The following EPHA5 variants were observed in gnomAD, a reference collection of about 807,000 sequenced individuals.
The protein encoded by EPHA5 is ephrin type-A receptor 5.
EPHA5 carries 60 observed loss-of-function variants against 105.0 expected under a neutral mutation model. The ratio of observed to expected loss-of-function variants is 0.57; its 90% CI spans 0.46 to 0.71. The LOEUF (loss-of-function observed/expected upper bound fraction) is 0.71. Ranked by LOEUF, EPHA5 falls within the 30% of genes least tolerant of loss-of-function variation. The probability of loss-of-function intolerance (pLI) is 0.00; values close to 1 mark genes in which losing one functional copy is unlikely to be tolerated. For missense variants in EPHA5, 1,218 were observed against 1,274.7 expected (o/e 0.96, Z 0.68); for synonymous variants, 513 against 449.1 (o/e 1.14, Z -1.80).
At chr4:65,418,192 A>T (rs956502397) in intron 6 of EPHA5, among the ~76,000 whole-genome samples, 4 of 152,188 alleles carry the variant, frequency 2.6e-5, no homozygotes, top group Non-Finnish European at 4.4e-5. Context: ...CAATGTTCAC[A>T]ACAGAATTCA....
chr4:65,410,620 T>C (rs182164571), intron 7 of EPHA5, among the ~76,000 whole-genome samples: 2 of 152,282 alleles, frequency 1.3e-5, no homozygotes, highest in African/African-American at 2.4e-5. Context: ...GATCTGTGGA[T>C]TGATTGCATC....
intron 1 of EPHA5, among the ~76,000 whole-genome samples, chr4:65,662,377 G>A (rs572187757): frequency 1.2e-4 from 19 of 152,084 alleles, no homozygotes; most frequent in African/African-American, 4.3e-4. Context: ...ACTTAACAGA[G>A]TTGTGTGGCT....
At chr4:65,448,773 A>G (rs1408596191) in intron 5 of EPHA5, among the ~76,000 whole-genome samples, 1 of 152,170 alleles carries the variant, frequency 6.6e-6, no homozygotes, top group Non-Finnish European at 1.5e-5. Context: ...ATTATATATT[A>G]CAGAGGTGTC....
At chr4:65,571,949 A>C (rs1349745874) in intron 3 of EPHA5, among the ~76,000 whole-genome samples, 1 of 151,834 alleles carries the variant, frequency 6.6e-6, no homozygotes, top group East Asian at 1.9e-4. Flanking sequence ...TAGAAATGTA[A>C]CTCTCCAAAA....
rs79908461 is a variant in EPHA5 at position 65,555,501 on chromosome 4, C to A, written c.910+46140G>T. 8.1e-3 allele frequency among the ~76,000 whole-genome samples: 1,223 copies of A among 151,066 alleles called. 16 individuals are homozygous for A. Among genetic ancestry groups the A allele is most frequent in the African/African-American group, 0.028 (1,139 of 41,152 alleles). On this transcript the variant is annotated intron_variant, in intron 3 of 16. Coordinates refer to ENST00000613740, the MANE Select transcript of EPHA5 (RefSeq NM_001281766.3). ...AGCTGTACTGCAAACACCCATGACACAAGTTTACCTATGTAACAATCCTGC... is the reference window on the plus strand; with the variant it reads ...AGCTGTACTGCAAACACCCATGACAAAAGTTTACCTATGTAACAATCCTGC...
chr4:65,631,783 T>C (rs978021506), intron 2 of EPHA5, among the ~76,000 whole-genome samples: 2 of 151,762 alleles, frequency 1.3e-5, no homozygotes, highest in Non-Finnish European at 2.9e-5. Flanking sequence ...ATATTATGGA[T>C]AAAGGTCATT....
intron 3 of EPHA5, among the ~76,000 whole-genome samples, chr4:65,569,925 A>G: frequency 6.6e-6 from 1 of 151,794 alleles, no homozygotes; most frequent in East Asian, 1.9e-4. Flanking sequence ...TCTCCCTGCT[A>G]TAGATGATGC....
At chr4:65,599,466 T>C (rs1318501221) in intron 3 of EPHA5, among the ~76,000 whole-genome samples, 7 of 152,096 alleles carry the variant, frequency 4.6e-5, no homozygotes, top group Admixed American at 4.6e-4. Context: ...TCAAGATGTA[T>C]TTATTCATTC....
chr4:65,384,944 C>T (rs1719934551), intron 8 of EPHA5, among the ~76,000 whole-genome samples: 1 of 151,376 alleles, frequency 6.6e-6, no homozygotes, highest in Non-Finnish European at 1.5e-5. Context: ...GCTCTTCCTC[C>T]CCCAGTCATT....
intron 11 of EPHA5, among the ~76,000 whole-genome samples, chr4:65,357,329 C>T (rs28417493): frequency 6.6e-6 from 1 of 151,304 alleles, no homozygotes; most frequent in Non-Finnish European, 1.5e-5. Context: ...ATTTGTATCT[C>T]TCTGAATATT....
At chr4:65,502,911 C>T (rs962564040) in intron 3 of EPHA5, among the ~76,000 whole-genome samples, 12 of 151,646 alleles carry the variant, frequency 7.9e-5, no homozygotes, top group East Asian at 3.9e-4. Context: ...GTACAAGTAC[C>T]GCATGGAATA....
chr4:65,561,104 T>C (rs558001949), intron 3 of EPHA5, among the ~76,000 whole-genome samples: 2 of 152,060 alleles, frequency 1.3e-5, no homozygotes, highest in East Asian at 1.9e-4. Flanking sequence ...CTATCCCCGA[T>C]AGGCTAGAAA....
At chr4:65,652,346 C>T (rs2149530915) in intron 1 of EPHA5, among the ~76,000 whole-genome samples, 1 of 152,248 alleles carries the variant, frequency 6.6e-6, no homozygotes, top group South Asian at 2.1e-4. Flanking sequence ...TTGAGGGCCT[C>T]AGTCCTCAGG....
intron 11 of EPHA5, among the ~76,000 whole-genome samples, chr4:65,358,943 C>G (rs1217132357): frequency 6.6e-6 from 1 of 151,544 alleles, no homozygotes; most frequent in Non-Finnish European, 1.5e-5. Context: ...TAGAATTGCT[C>G]TTACATTAGC....
chr4:65,343,395 T>C (rs2148829088), intron 14 of EPHA5, among the ~76,000 whole-genome samples: 1 of 152,268 alleles, frequency 6.6e-6, no homozygotes, highest in East Asian at 1.9e-4. Flanking sequence ...CTGCTGCATT[T>C]TGTCCTCCTG....
chr4:65,439,866 C>T (rs564558980), intron 5 of EPHA5, among the ~76,000 whole-genome samples: 3 of 151,952 alleles, frequency 2.0e-5, no homozygotes, highest in African/African-American at 7.2e-5. Context: ...TAAACTAGTG[C>T]CTTTGATATT....
intron 3 of EPHA5, among the ~76,000 whole-genome samples, chr4:65,560,053 G>A (rs576608775): frequency 6.6e-6 from 1 of 152,136 alleles, no homozygotes; most frequent in Non-Finnish European, 1.5e-5. Context: ...AGTTTAGTGA[G>A]AAAGCTTGAT....
chr4:65,349,128 T>C lies in EPHA5; in HGVS notation c.2446-925A>G, dbSNP rs12508823. Among the ~76,000 whole-genome samples the C allele has an allele frequency of 2.0e-3, 311 of 152,074 alleles. 6 individuals are homozygous for C. Among genetic ancestry groups the C allele is most frequent in the Admixed American group, 0.017 (252 of 15,240 alleles). On this transcript the variant is annotated intron_variant, in intron 13 of 16. Coordinates refer to ENST00000613740, the MANE Select transcript of EPHA5 (RefSeq NM_001281766.3). ...ACTGGGCCCAGCATAATATTGGATATATTAAAACAAAGTTACACTTTCCCT... is the reference window on the plus strand; with the variant it reads ...ACTGGGCCCAGCATAATATTGGATACATTAAAACAAAGTTACACTTTCCCT...
rs560318714 is a variant in EPHA5 at position 65,573,839 on chromosome 4, C to T, written c.910+27802G>A. 99 of 1,613,382 alleles carry T rather than the reference C, an allele frequency of 6.1e-5. 1 individual carries two copies. The South Asian group carries it at 9.3e-4, about 15-fold the overall frequency. ...AAGATGTGCCTCGAAAGCTGTTGAG[C>T]CACGGCAAAAAAAAACCCTTCAGTC... On this transcript the variant is annotated intron_variant, in intron 3 of 16. Transcript: ENST00000613740.
Sources: allele counts gnomAD v4.1 joint callset (sites outside exome capture counted in the v4.1 genomes callset), GRCh38; gene constraint gnomAD v4.1.1; transcripts MANE v1.5; gene names NCBI Gene and HGNC (gene_info 2026-07-23, HGNC 2026-07-21).